Variants in ROR1 observed in about 807,000 individuals in gnomAD.
ROR1 encodes the protein ROR family WNT receptor 1, also known as inactive tyrosine-protein kinase transmembrane receptor ROR1.
A neutral mutation model predicts 78.8 loss-of-function variants in ROR1; 19 were observed. The ratio of observed to expected loss-of-function variants is 0.24; its 90% CI spans 0.17 to 0.35. The LOEUF is 0.35. Among genes scored for constraint, ROR1 ranks in the 10% least tolerant of loss-of-function variants. ROR1 has a pLI of 1.00. For missense variants in ROR1, 917 were observed against 1,177.8 expected (o/e 0.78, Z 3.24); for synonymous variants, 386 against 433.6 (o/e 0.89, Z 1.36).
chr1:64,169,770 T>C (rs1193688933), intron 8 of ROR1, among the ~76,000 whole-genome samples: 2 of 152,160 alleles, frequency 1.3e-5, no homozygotes, highest in African/African-American at 4.8e-5. Context: ...ACTTCCCAGA[T>C]ACAGTGGGGG....
intron 2 of ROR1, among the ~76,000 whole-genome samples, chr1:64,010,191 T>C (rs970851013): frequency 7.2e-5 from 11 of 152,182 alleles, no homozygotes; most frequent in Non-Finnish European, 1.5e-4. Flanking sequence ...AAAATTTACA[T>C]TATCCAGTCT....
At chr1:63,927,890 A>G (rs1036727496) in intron 1 of ROR1, among the ~76,000 whole-genome samples, 4 of 152,128 alleles carry the variant, frequency 2.6e-5, no homozygotes, top group Non-Finnish European at 5.9e-5. Flanking sequence ...CAATCCTAAC[A>G]AAATATCTCA....
At chr1:64,108,707 G>T (rs72685180) in intron 4 of ROR1, among the ~76,000 whole-genome samples, 3,971 of 152,184 alleles carry the variant, frequency 0.026, 92 homozygotes, top group Non-Finnish European at 0.042. Flanking sequence ...GCAAAAGAGT[G>T]TTCAGCAATG....
At chr1:64,046,011 A>G (rs1372613719) in intron 2 of ROR1, among the ~76,000 whole-genome samples, 1 of 152,222 alleles carries the variant, frequency 6.6e-6, no homozygotes, top group African/African-American at 2.4e-5. Context: ...AAAAAGGTAC[A>G]AACAGCCAGG....
At chr1:63,954,935 G>A (rs567777796) in intron 1 of ROR1, among the ~76,000 whole-genome samples, 32 of 152,250 alleles carry the variant, frequency 2.1e-4, no homozygotes, top group African/African-American at 4.1e-4. Context: ...AGAAGTTAAC[G>A]AAAAACATGG....
At chr1:63,876,142 A>G (rs1023950328) in intron 1 of ROR1, among the ~76,000 whole-genome samples, 4 of 152,182 alleles carry the variant, frequency 2.6e-5, no homozygotes, top group Admixed American at 2.0e-4. Flanking sequence ...TTAGGATTTC[A>G]TAAATTTTAT....
At chr1:63,784,114 T>C (rs1644670105) in intron 1 of ROR1, among the ~76,000 whole-genome samples, 1 of 152,202 alleles carries the variant, frequency 6.6e-6, no homozygotes, top group Admixed American at 6.5e-5. Context: ...ATAATTATAA[T>C]TAAATCCTCC....
chr1:63,871,093 T>C (rs146850540), intron 1 of ROR1, among the ~76,000 whole-genome samples: 2 of 152,196 alleles, frequency 1.3e-5, no homozygotes. Flanking sequence ...TAATAAGCAC[T>C]CAATAAATGT....
chr1:64,118,632 C>CAAAAAAAAAAAAAAAAAAAAAAAAAA (rs3084938), intron 4 of ROR1, among the ~76,000 whole-genome samples: 1 of 65,852 alleles, frequency 1.5e-5, no homozygotes, highest in African/African-American at 5.7e-5. Context: ...GACTCCATCT[C>CAAAAAAAAAAAAAAAAAAAAAAAAAA]AAAAAAAAAA....
chr1:63,892,392 T>A (rs1015127081), intron 1 of ROR1, among the ~76,000 whole-genome samples: 14 of 152,260 alleles, frequency 9.2e-5, no homozygotes, highest in African/African-American at 3.1e-4. Flanking sequence ...TTTAAGCACA[T>A]TAAGGAGACT....
At chr1:63,954,869 T>A (rs2100475938) in intron 1 of ROR1, among the ~76,000 whole-genome samples, 1 of 152,278 alleles carries the variant, frequency 6.6e-6, no homozygotes, top group Admixed American at 6.5e-5. Context: ...TCCCCCAAGA[T>A]ACCAAGGGAC....
intron 1 of ROR1, among the ~76,000 whole-genome samples, chr1:63,942,320 T>C (rs1229743229): frequency 3.9e-5 from 6 of 152,238 alleles, no homozygotes; most frequent in Admixed American, 3.3e-4. Flanking sequence ...CTTCTCCTTC[T>C]CCTTTGTCTT....
In ROR1 at chr1:64,142,415, T is replaced by C. The variant is rs1167240495; in HGVS notation, c.939T>C (p.Cys313=). ...TTGTGTGTTTTTCAGATCACAAGTGTTATAACAGCACAGGTGTGGACTACC... is the reference window on the plus strand; with the variant it reads ...TTGTGTGTTTTTCAGATCACAAGTGCTATAACAGCACAGGTGTGGACTACC... ...MADPINKNHK[C]YNSTGVDYRG... Residue 313 remains cysteine (C), a synonymous_variant, in exon 7 of 9, where the codon TGT becomes TGC. Transcript: ENST00000371079. 1 of 1,614,074 alleles carries C rather than the reference T, an allele frequency of 6.2e-7. No individual in the cohort carries two copies. The highest frequency in any genetic ancestry group is 1.3e-5 in the African/African-American group (1 of 75,030).
At chr1:63,839,345 CATCTATCTATCTATCTATCTATCTATCT>C (rs36224861) in intron 1 of ROR1, among the ~76,000 whole-genome samples, 29 of 147,058 alleles carry the variant, frequency 2.0e-4, no homozygotes, top group Non-Finnish European at 3.1e-4. Context: ...GTCTCCATAT[CATCTATCTATCTATCTATCTATCTATCT>C]ATCTATCTAT....
At chr1:64,067,441 T>C (rs1467998827) in intron 4 of ROR1, among the ~76,000 whole-genome samples, 1 of 75,018 alleles carries the variant, frequency 1.3e-5, no homozygotes, top group East Asian at 3.0e-4. Flanking sequence ...CGAGCCTCCG[T>C]CTCAAAAAAA....
At chr1:63,922,710 A>T (rs147700192) in intron 1 of ROR1, among the ~76,000 whole-genome samples, 1 of 152,268 alleles carries the variant, frequency 6.6e-6, no homozygotes, top group East Asian at 1.9e-4. Flanking sequence ...CAGCTTATCC[A>T]GGTAATCCTC....
chr1:64,014,713 C>CTATATATATA (rs112423773), intron 2 of ROR1, among the ~76,000 whole-genome samples: 2 of 29,304 alleles, frequency 6.8e-5, no homozygotes, highest in African/African-American at 1.5e-4. Context: ...TGCTGACAGA[C>CTATATATATA]TATATATATA....
At chr1:63,786,197 A>C (rs1644684385) in intron 1 of ROR1, among the ~76,000 whole-genome samples, 1 of 150,454 alleles carries the variant, frequency 6.6e-6, no homozygotes, top group Non-Finnish European at 1.5e-5. Context: ...TCCTCCCCAG[A>C]AAGAAAGCAC....
At chr1:64,007,377 A>AGT (rs59753220) in intron 1 of ROR1, among the ~76,000 whole-genome samples, 8,117 of 145,890 alleles carry the variant, frequency 0.056, 485 homozygotes, top group African/African-American at 0.15. Flanking sequence ...TAATGTTCTG[A>AGT]GTGTGTGTGT....
Sources: gnomAD v4.1 joint callset for allele counts (sites outside exome capture counted in the v4.1 genomes callset) on GRCh38, gnomAD v4.1.1 for gene constraint, MANE v1.5 for transcripts, NCBI Gene and HGNC (gene_info 2026-07-23, HGNC 2026-07-21) for gene names.